Variants in GAK observed in about 807,000 individuals in gnomAD.
GAK encodes cyclin-G-associated kinase.
A neutral mutation model predicts 143.9 loss-of-function variants in GAK; 79 were observed. The observed-to-expected ratio is 0.55, with a 90% CI of 0.46 to 0.66. The LOEUF (loss-of-function observed/expected upper bound fraction) is 0.66. Ranked by LOEUF, GAK falls within the 30% of genes least tolerant of loss-of-function variation. The probability of loss-of-function intolerance (pLI) is 0.00; values close to 1 mark genes in which losing one functional copy is unlikely to be tolerated. For missense variants in GAK, 1,693 were observed against 1,779.7 expected, an observed-to-expected ratio of 0.95 and a Z score of 0.88; for synonymous variants, 881 against 765.5, an observed-to-expected ratio of 1.15 and a Z score of -2.49.
Position 883,315 on chromosome 4 carries a change from C to A in GAK, c.1404G>T (p.Arg468=). The A allele has an allele frequency of 6.2e-7, 1 of 1,613,142 alleles. No homozygotes were observed. The highest frequency in any genetic ancestry group is 8.5e-7 in the Non-Finnish European group (1 of 1,179,874). ...RTYRPSRFHN[R]VSECGWAARR... ...CAAGACAAAGCCTGTGGCCACACAC[C>A]CGGTTGTGGAACCTGGAGGGCCGGT... The change falls in exon 13 of 28, where the codon CGG becomes CGT. Residue 468 remains arginine (R), a splice_region_variant and synonymous_variant. Coordinates refer to ENST00000314167, the MANE Select transcript of GAK (RefSeq NM_005255.4).
At chr4:905,202 C>G (rs1720835256) in intron 4 of GAK, among the ~76,000 whole-genome samples, 1 of 152,166 alleles carries the variant, frequency 6.6e-6, no homozygotes, top group African/African-American at 2.4e-5. Flanking sequence ...GGCCCTTGAG[C>G]CGCTGCTTGG....
rs957750273 is a variant in GAK at position 850,163 on chromosome 4, G to C, written c.3658-95C>G. ...GAGGCACGACGCTGAGGAAGTGCCT[G>C]GTCACGTGGGGTGGGCTCAGCCCGG... On this transcript the variant is annotated intron_variant, in intron 26 of 27. Coordinates refer to ENST00000314167, the MANE Select transcript of GAK (RefSeq NM_005255.4). The C allele has an allele frequency of 1.4e-5, 17 of 1,238,746 alleles. No homozygotes were observed. In the African/African-American group the frequency reaches 2.1e-4, roughly 15 times the overall value. The allele number at this position is 1,238,746 out of a possible 1,614,324, so 76.7% of individuals were successfully genotyped here. A position where few individuals can be genotyped will look rare whatever the true frequency, so the allele number is the denominator to read the frequency against.
At chr4:928,875 T>C (rs1421925787) in intron 1 of GAK, among the ~76,000 whole-genome samples, 1 of 152,194 alleles carries the variant, frequency 6.6e-6, no homozygotes, top group Admixed American at 6.5e-5. Context: ...GCGATTCTCC[T>C]GCCTCAGCCT....
At chr4:857,443 T>G (rs1465694009) in intron 24 of GAK, among the ~76,000 whole-genome samples, 2 of 152,188 alleles carry the variant, frequency 1.3e-5, no homozygotes, top group African/African-American at 4.8e-5. Flanking sequence ...GGTCCGCAGG[T>G]TTCCTTTTTG....
chr4:907,756 C>T (rs575362382), intron 4 of GAK, among the ~76,000 whole-genome samples: 15 of 152,310 alleles, frequency 9.8e-5, no homozygotes, highest in Admixed American at 3.3e-4. Flanking sequence ...ACATCCCTCC[C>T]GCTTCTCAGA....
intron 22 of GAK, 100 bp downstream of exon 22, chr4:866,264 C>G: frequency 7.9e-7 from 1 of 1,268,762 alleles, no homozygotes; most frequent in Non-Finnish European, 1.1e-6. Flanking sequence ...ACAGTCCAGC[C>G]CCACCACTGC....
chr4:921,734 C>T (rs1384257354), intron 1 of GAK, among the ~76,000 whole-genome samples: 1 of 151,632 alleles, frequency 6.6e-6, no homozygotes, highest in East Asian at 1.9e-4. Context: ...CAAAAAGATC[C>T]TGTTTAGGGG....
At chr4:890,183 TC>T (rs2152844885) in intron 10 of GAK, among the ~76,000 whole-genome samples, 1 of 152,134 alleles carries the variant, frequency 6.6e-6, no homozygotes, top group African/African-American at 2.4e-5. Flanking sequence ...TATGCTGGGG[TC>T]TTGGCCACGG....
chr4:894,304 G>A (rs1324106386), intron 7 of GAK: 2 of 299,644 alleles, frequency 6.7e-6, no homozygotes, highest in Non-Finnish European at 1.3e-5. Flanking sequence ...TGACGCCTGG[G>A]CCTGTGGGGA....
At chr4:870,650 T>C (rs1712363434) in intron 19 of GAK, 61 bp downstream of exon 19, 2 of 1,545,722 alleles carry the variant, frequency 1.3e-6, no homozygotes, top group South Asian at 2.3e-5. Flanking sequence ...GCCAAAGGTG[T>C]CTCTCTCCAC....
At chr4:896,654 G>T in intron 6 of GAK, 105 bp from the exon 7 acceptor site, 2 of 867,830 alleles carry the variant, frequency 2.3e-6, no homozygotes, top group Non-Finnish European at 3.8e-6. Flanking sequence ...CAGACTGAGG[G>T]GCAGCCTGTC....
intron 18 of GAK, among the ~76,000 whole-genome samples, chr4:876,116 C>T (rs933783746): frequency 2.6e-4 from 39 of 152,216 alleles, no homozygotes; most frequent in African/African-American, 7.2e-4. Flanking sequence ...GGGGCCATCC[C>T]GTGGCTGCGC....
At chr4:930,530 C>G (rs1157541561) in intron 1 of GAK, among the ~76,000 whole-genome samples, 1 of 150,434 alleles carries the variant, frequency 6.6e-6, no homozygotes, top group African/African-American at 2.5e-5. Context: ...CTTCCCAAAG[C>G]TCACACTGTC....
intron 2 of GAK, 66 bp downstream of exon 2, chr4:913,541 G>T: frequency 1.6e-6 from 2 of 1,232,052 alleles, no homozygotes; most frequent in Non-Finnish European, 2.4e-6. Context: ...TCCCTGAAAA[G>T]ACTGTCACCA....
chr4:866,150 AGGTTTGGGGAT>A (rs1286779307), intron 22 of GAK, among the ~76,000 whole-genome samples: 2 of 152,220 alleles, frequency 1.3e-5, no homozygotes, highest in Non-Finnish European at 2.9e-5. Context: ...AACCTGTTCC[AGGTTTGGGGAT>A]GGTTTGGGGA....
Position 870,932 on chromosome 4 carries a change from G to T in GAK, c.2055-28C>A, listed in dbSNP as rs376870931. 5.4e-5 allele frequency: 86 copies of T among 1,581,810 alleles called. No individual in the cohort carries two copies. In the African/African-American group the frequency reaches 9.1e-4, roughly 17 times the overall value. On this transcript the variant is annotated intron_variant, in intron 18 of 27. Transcript: ENST00000314167. ...GCGGTTACAAGTAGACACCACTTAGGAAGGCCACCCAAGTAGTCTGTAAGT... is the reference window on the plus strand; with the variant it reads ...GCGGTTACAAGTAGACACCACTTAGTAAGGCCACCCAAGTAGTCTGTAAGT...
In GAK at chr4:897,835, G is replaced by A; in HGVS notation, c.651+198C>T. ...GTGGTGGTGTGTGCCTGTAACCCCA[G>A]CTACTCGGGAGGCAGAGGCAGAAGA... On this transcript the variant is annotated intron_variant, in intron 6 of 27. Coordinates refer to ENST00000314167, the MANE Select transcript of GAK (RefSeq NM_005255.4). 5.9e-6 allele frequency: 3 copies of A among 505,826 alleles called. No homozygotes were observed. The South Asian group carries it at 8.4e-5, about 14-fold the overall frequency. 31.3% of individuals were successfully genotyped at this position (505,826 alleles called of 1,614,324 possible). A position where few individuals can be genotyped will look rare whatever the true frequency, so the allele number is the denominator to read the frequency against.
At chr4:895,014 TA>T (rs33965806) in intron 7 of GAK, among the ~76,000 whole-genome samples, 7,650 of 40,812 alleles carry the variant, frequency 0.19, 236 homozygotes, top group South Asian at 0.33. Flanking sequence ...AATAAATAAA[TA>T]AAGGTTCCTT....
Position 849,580 on chromosome 4 carries a change from G to A in GAK, c.*93C>T, listed in dbSNP as rs1747688277. 1.0e-6 allele frequency: 1 copy of A among 964,068 alleles called. No individual in the cohort carries two copies. The highest frequency in any genetic ancestry group is 1.6e-6 in the Non-Finnish European group (1 of 616,982). The allele number at this position is 964,068 out of a possible 1,614,324, so 59.7% of individuals were successfully genotyped here. A position where few individuals can be genotyped will look rare whatever the true frequency, so the allele number is the denominator to read the frequency against. Reference sequence around the variant, plus strand: ...TCGGAGCCCCACCCTGGCCACACCTGCTGTCGCCCACGGGGTCCTCACGGT... The same window carrying A: ...TCGGAGCCCCACCCTGGCCACACCTACTGTCGCCCACGGGGTCCTCACGGT... On this transcript the variant is annotated 3_prime_UTR_variant, in exon 28 of 28. Coordinates refer to ENST00000314167, the MANE Select transcript of GAK (RefSeq NM_005255.4).
Sources: allele counts gnomAD v4.1 joint callset (sites outside exome capture counted in the v4.1 genomes callset), GRCh38; gene constraint gnomAD v4.1.1; transcripts MANE v1.5; gene names NCBI Gene and HGNC (gene_info 2026-07-23, HGNC 2026-07-21).